KMT2B: variants seen among roughly 807,000 people sequenced by gnomAD.
KMT2B encodes the protein histone-lysine N-methyltransferase 2B.
KMT2B carries 22 observed loss-of-function variants against 255.3 expected under a neutral mutation model. The ratio of observed to expected loss-of-function variants is 0.09; its 90% CI spans 0.06 to 0.12. The LOEUF (loss-of-function observed/expected upper bound fraction) is 0.12. Among genes scored for constraint, KMT2B ranks in the 10% least tolerant of loss-of-function variants. KMT2B has a pLI of 1.00. For synonymous variants in KMT2B, 1,730 were observed against 1,498.1 expected (o/e 1.15, Z -3.57); for missense variants, 3,149 against 3,737.0 (o/e 0.84, Z 4.10).
rs758776237 is a variant in KMT2B, at chr19:35,727,707, G to C, written c.4312G>C (p.Asp1438His). 5.6e-6 allele frequency: 9 copies of C among 1,613,756 alleles called. No individual in the cohort carries two copies. The Admixed American group carries it at 1.2e-4, about 21-fold the overall frequency. The change falls in exon 17 of 37, where the codon GAT (aspartate) becomes CAT (histidine). Residue 1438 changes from aspartate to histidine, a missense_variant. Coordinates refer to ENST00000420124, the MANE Select transcript of KMT2B (RefSeq NM_014727.3). This position sits in a 1 kb window ranked among gnomAD's most constrained non-coding sequence, Gnocchi z 4.2. ...CTTCCCCGCTTTGCAGTGTGGGCCA[G>C]ATGGGAAGCAACTGCACCCAGGACC... ...PLLLCTQCGP[D>H]GKQLHPGPCG... is the part of the protein sequence containing the mutation.
intron 22 of KMT2B, 121 bp from the exon 23 acceptor site, chr19:35,729,846 C>T (rs954756316): frequency 1.7e-5 from 16 of 959,074 alleles, no homozygotes; most frequent in Non-Finnish European, 2.0e-5. Flanking sequence ...GGAGAGGCTG[C>T]GCCTAGGGAG....
chr19:35,730,741 C>T lies in KMT2B; in HGVS notation c.5311C>T (p.Arg1771Trp), dbSNP rs1471498012. The part of the protein sequence containing the change: ...SRLYWSTVDA[R>W]RRCWYRCRIL... ...TCTGTACTGGAGCACAGTGGATGCT[C>T]GGAGGCGCTGCTGGTATCGGTGCCG... is the stretch of plus-strand genomic sequence containing the variant. Residue 1771 changes from arginine to tryptophan, a missense_variant, in exon 26 of 37, where the codon CGG (arginine) becomes TGG (tryptophan). Arg to Trp is a moderately radical substitution (Grantham distance 101). This residue lies in a region of KMT2B where 34 missense variants were observed against 51.6 expected (regional missense o/e 0.66). Coordinates refer to ENST00000420124, the MANE Select transcript of KMT2B (RefSeq NM_014727.3). The T allele has an allele frequency of 6.2e-7, 1 of 1,613,890 alleles. No homozygotes were observed. Among genetic ancestry groups the T allele is most frequent in the Non-Finnish European group, 8.5e-7 (1 of 1,179,894 alleles).
At position 35,727,642 on chromosome 19, in the gene KMT2B, C is replaced by A; in HGVS notation, c.4302+20C>A. 6.2e-7 allele frequency: 1 copy of A among 1,611,780 alleles called. No individual in the cohort carries two copies. The highest frequency in any genetic ancestry group is 1.1e-5 in the South Asian group (1 of 91,042). The stretch of plus-strand genomic sequence containing the variant: ...ACCCAGGTCTGGAGGGCCCTGGAGG[C>A]AGGATGGGCCGGGGCTAGGCCCACC... On this transcript the variant is annotated intron_variant, in intron 16 of 36. Coordinates refer to ENST00000420124, the MANE Select transcript of KMT2B (RefSeq NM_014727.3). The surrounding 1 kb of genome is among the most constrained non-coding windows in gnomAD (Gnocchi z 4.2).
In KMT2B at chr19:35,728,762, G is replaced by GC. The variant is rs780992740; in HGVS notation, c.4572-10dup. The GC allele has an allele frequency of 6.5e-5, 105 of 1,609,840 alleles. No individual in the cohort carries two copies. The highest frequency in any genetic ancestry group is 8.6e-5 in the Non-Finnish European group (101 of 1,176,396). On this transcript the variant is annotated splice_polypyrimidine_tract_variant and intron_variant, in intron 19 of 36. Transcript: ENST00000420124. ...GTTGGGCACATCAGCTGCTAACCCT[G>GC]CCTGTCCACAGCGGAGTCCTTCCCA...
chr19:35,732,420 G>T lies in KMT2B; in HGVS notation c.5871G>T (p.Glu1957Asp). The change falls in exon 28 of 37, where the codon GAG becomes GAT. Residue 1957 changes from glutamate to aspartate, a missense_variant. By Grantham distance (45) the Glu-to-Asp change is conservative. Around this residue, in one of 18 missense-constraint regions of KMT2B, gnomAD observed 897 missense variants for 825.3 expected, o/e 1.09. Transcript: ENST00000420124. ...VVTALTPTSGELAPPGPAPSP... is the reference protein window; with the variant it reads ...VVTALTPTSGDLAPPGPAPSP... The stretch of plus-strand genomic sequence containing the variant: ...CAGCCCTCACACCTACCTCAGGGGA[G>T]CTGGCTCCCCCTGGCCCGGCCCCAT... 1 of 1,613,598 alleles carries T rather than the reference G, an allele frequency of 6.2e-7. No homozygotes were observed. Among genetic ancestry groups the T allele is most frequent in the Non-Finnish European group, 8.5e-7 (1 of 1,179,674 alleles).
Position 35,733,961 on chromosome 19 carries a change from C to T in KMT2B, c.7159+89C>T, listed in dbSNP as rs1236386616. ...TGCAAAATCAGCCCTCTTTCAAAAC[C>T]AGTATCTACTCCCAGGGGCCAAGCC... On this transcript the variant is annotated intron_variant, in intron 30 of 36. Transcript: ENST00000420124. The surrounding 1 kb of genome is among the most constrained non-coding windows in gnomAD (Gnocchi z 4.3). 4 of 902,738 alleles carry T rather than the reference C, an allele frequency of 4.4e-6. No individual in the cohort carries two copies. The highest frequency in any genetic ancestry group is 5.3e-6 in the Non-Finnish European group (3 of 569,306). 55.9% of individuals were successfully genotyped at this position (902,738 alleles called of 1,614,324 possible).
In KMT2B at chr19:35,730,882, C is replaced by T. The variant is rs778529213; in HGVS notation, c.5437+15C>T. On this transcript the variant is annotated intron_variant, in intron 26 of 36. Coordinates refer to ENST00000420124, the MANE Select transcript of KMT2B (RefSeq NM_014727.3). ...CCCTTCCTCAGGTGTGGCTTTGGCT[C>T]TGTCTTCTTCCTGAATACCGCTCTC... 12 of 1,582,100 alleles carry T rather than the reference C, an allele frequency of 7.6e-6. No individual in the cohort carries two copies. The highest frequency in any genetic ancestry group is 9.5e-6 in the Non-Finnish European group (11 of 1,163,500).
Position 35,737,493 on chromosome 19 carries a change from G to A in KMT2B, c.7551-143G>A, listed in dbSNP as rs1000754649. On this transcript the variant is annotated intron_variant, in intron 33 of 36. Transcript: ENST00000420124. The surrounding 1 kb of genome is among the most constrained non-coding windows in gnomAD (Gnocchi z 5.3). ...GCCCAGGAGTTGGAGACCAGCGTAGGCAACATGGCAAAACCCCATCTCTAA... is the reference window on the plus strand; with the variant it reads ...GCCCAGGAGTTGGAGACCAGCGTAGACAACATGGCAAAACCCCATCTCTAA... 8 of 745,502 alleles carry A rather than the reference G, an allele frequency of 1.1e-5. No individual in the cohort carries two copies. In the East Asian group the frequency reaches 2.2e-4, roughly 20 times the overall value. The allele number at this position is 745,502 out of a possible 1,614,324, so 46.2% of individuals were successfully genotyped here.
rs1402622393 is a variant in KMT2B, at chr19:35,720,455, G to A, written c.1108G>A (p.Glu370Lys). 2.6e-6 allele frequency: 4 copies of A among 1,540,442 alleles called. No homozygotes were observed. Among genetic ancestry groups the A allele is most frequent in the Non-Finnish European group, 3.5e-6 (4 of 1,144,458 alleles). ...GGATGACGAGGAAGAAGAGAAGAAA[G>A]AAGAAGAAGAAAAAGACAAGGAGGG... Reference protein sequence around the residue: ...KLDDEEEEKKEEEEKDKEGEE... With the variant: ...KLDDEEEEKKKEEEKDKEGEE... The change falls in exon 3 of 37, where the codon GAA becomes AAA. Residue 370 changes from glutamate (E) to lysine (K), a missense_variant. By Grantham distance (56) the Glu-to-Lys change is moderately conservative (BLOSUM62 1). Coordinates refer to ENST00000420124, the MANE Select transcript of KMT2B (RefSeq NM_014727.3).
Position 35,721,913 on chromosome 19 carries a change from C to A in KMT2B, c.2457+109C>A, listed in dbSNP as rs179685. On this transcript the variant is annotated intron_variant, in intron 3 of 36. Coordinates refer to ENST00000420124, the MANE Select transcript of KMT2B (RefSeq NM_014727.3). ...ACACTTTCCAGCATTGCGGGGAACC[C>A]TCAGAACCTGCCTTTCTGTGATCCC... 4.9e-5 allele frequency: 68 copies of A among 1,394,996 alleles called. No individual in the cohort carries two copies. The African/African-American group carries it at 9.0e-4, about 18-fold the overall frequency. The allele number at this position is 1,394,996 out of a possible 1,614,324, so 86.4% of individuals were successfully genotyped here.
intron 23 of KMT2B, 61 bp downstream of exon 23, chr19:35,730,186 ACCCCCGTGGC>A (rs1235517583): frequency 1.2e-6 from 2 of 1,605,598 alleles, no homozygotes; most frequent in African/African-American, 2.7e-5. Context: ...TCACTTAGGG[ACCCCCGTGGC>A]CCCCAGGCCT....
chr19:35,730,162 A>G, intron 23 of KMT2B, 37 bp downstream of exon 23: 2 of 1,610,554 alleles, frequency 1.2e-6, no homozygotes, highest in African/African-American at 1.3e-5. Flanking sequence ...TTCCTTCCCC[A>G]CCTCTCTTCC....
chr19:35,721,566 C>T lies in KMT2B; in HGVS notation c.2219C>T (p.Pro740Leu). The change falls in exon 3 of 37, where the codon CCC (proline) becomes CTC (leucine). Residue 740 changes from proline to leucine, a missense_variant. Around this residue, in one of 18 missense-constraint regions of KMT2B, gnomAD observed 1,188 missense variants for 1,106.4 expected, o/e 1.07. Transcript: ENST00000420124. ...GPQTQAQLLQ[P>L]LQALQTQLLP... ...CAGACACAGGCTCAGCTACTGCAGCCCCTGCAGGCCTTGCAAACCCAGCTC... is the reference window on the plus strand; with the variant it reads ...CAGACACAGGCTCAGCTACTGCAGCTCCTGCAGGCCTTGCAAACCCAGCTC... 6.2e-7 allele frequency: 1 copy of T among 1,611,916 alleles called. No homozygotes were observed. Among genetic ancestry groups the T allele is most frequent in the South Asian group, 1.1e-5 (1 of 91,080 alleles).
In KMT2B at chr19:35,725,215, C is replaced by T. The variant is rs764974671; in HGVS notation, c.3529-5C>T. ...CCTCTGATCCTGCATCCTCTCTTCC[C>T]CCAGGAGGATTGTGATTTAGAGAAC... On this transcript the variant is annotated splice_polypyrimidine_tract_variant and splice_region_variant and intron_variant, in intron 10 of 36. Transcript: ENST00000420124. This position sits in a 1 kb window ranked among gnomAD's most constrained non-coding sequence, Gnocchi z 4.1. 3.1e-6 allele frequency: 5 copies of T among 1,610,604 alleles called. No homozygotes were observed. The African/African-American group carries it at 5.3e-5, about 17-fold the overall frequency.
Position 35,730,554 on chromosome 19 carries a change from C to T in KMT2B, c.5214C>T (p.Asp1738=), listed in dbSNP as rs1568378988. 3 of 1,614,046 alleles carry T rather than the reference C, an allele frequency of 1.9e-6. No individual in the cohort carries two copies. Among genetic ancestry groups the T allele is most frequent in the Non-Finnish European group, 2.5e-6 (3 of 1,179,900 alleles). The change falls in exon 25 of 37, where the codon GAC becomes GAT. Residue 1738 remains aspartate, a synonymous_variant. Transcript: ENST00000420124. ...GCACCACAGGTTCCATCCGCATTGA[C>T]TCCCTGGGTACTCTGTCTGATCTCT... ...INVLIGSIRI[D]SLGTLSDLSD...
At position 35,720,245 on chromosome 19, in the gene KMT2B, G is replaced by A. The variant is rs1340014731; in HGVS notation, c.898G>A (p.Gly300Arg). 1.4e-5 allele frequency: 22 copies of A among 1,612,456 alleles called. No individual in the cohort carries two copies. The highest frequency in any genetic ancestry group is 1.9e-5 in the Non-Finnish European group (22 of 1,179,450). The change falls in exon 3 of 37, where the codon GGG becomes AGG. Residue 300 changes from glycine to arginine, a missense_variant. By Grantham distance (125) the Gly-to-Arg change is moderately radical. Around this residue, in one of 18 missense-constraint regions of KMT2B, gnomAD observed 1,188 missense variants for 1,106.4 expected, o/e 1.07. Coordinates refer to ENST00000420124, the MANE Select transcript of KMT2B (RefSeq NM_014727.3). Reference protein sequence around the residue: ...RGGRGRGRGGGLPFVIKFVSR... With the variant: ...RGGRGRGRGGRLPFVIKFVSR... Reference sequence around the variant, plus strand: ...AGGCAGGGGCCGCGGCCGAGGTGGTGGGCTCCCCTTTGTGATCAAGTTTGT... The same window carrying A: ...AGGCAGGGGCCGCGGCCGAGGTGGTAGGCTCCCCTTTGTGATCAAGTTTGT...
chr19:35,718,207 G>A lies in KMT2B; in HGVS notation c.189G>A (p.Glu63=). ...GGCCGGGCGGAGCCGAGCCCGGGGA[G>A]GACACGGCCCTGCTCCGTTTGCTGG... ...ATGPGGAEPG[E]DTALLRLLGL... is the part of the protein sequence containing the mutation. Residue 63 remains glutamate, a synonymous_variant, in exon 1 of 37, where the codon GAG becomes GAA. Transcript: ENST00000420124. The surrounding 1 kb of genome is among the most constrained non-coding windows in gnomAD (Gnocchi z 5.0). 1.7e-6 allele frequency: 2 copies of A among 1,158,910 alleles called. No homozygotes were observed. Among genetic ancestry groups the A allele is most frequent in the Non-Finnish European group, 2.1e-6 (2 of 939,278 alleles). 71.8% of individuals were successfully genotyped at this position (1,158,910 alleles called of 1,614,324 possible).
rs761943372 is a variant in KMT2B, at chr19:35,719,822, A to T, written c.475A>T (p.Thr159Ser). 3.1e-6 allele frequency: 5 copies of T among 1,606,902 alleles called. No individual in the cohort carries two copies. In the Admixed American group the frequency reaches 8.5e-5, roughly 27 times the overall value. ...PRGRGRKHKT[T>S]PLPPPRLADV... ...AGGTCGGGGTCGCAAGCATAAGACG[A>T]CCCCCCTTCCTCCTCCTCGCCTAGC... is the stretch of plus-strand genomic sequence containing the variant. The change falls in exon 3 of 37, where the codon ACC (threonine) becomes TCC (serine). Residue 159 changes from threonine (T) to serine (S), a missense_variant. Coordinates refer to ENST00000420124, the MANE Select transcript of KMT2B (RefSeq NM_014727.3).
Position 35,727,858 on chromosome 19 carries a change from G to T in KMT2B, c.4393-23G>T. ...GCTGGAATTGTGCAGAGGGGACTCA[G>T]TCTCTGACAAACCCCCTTACAGCAC... On this transcript the variant is annotated intron_variant, in intron 17 of 36. Transcript: ENST00000420124. The surrounding 1 kb of genome is among the most constrained non-coding windows in gnomAD (Gnocchi z 4.2). 1 of 1,611,332 alleles carries T rather than the reference G, an allele frequency of 6.2e-7. No homozygotes were observed. Among genetic ancestry groups the T allele is most frequent in the Middle Eastern group, 1.7e-4 (1 of 6,058 alleles).
Sources: gnomAD v4.1 joint callset for allele counts on GRCh38, gnomAD v4.1.1 for gene constraint, gnomAD v4.1.1 regional missense constraint, Gnocchi (gnomAD v3.1) non-coding constraint, MANE v1.5 for transcripts, NCBI Gene and HGNC (gene_info 2026-07-23, HGNC 2026-07-21) for gene names.